Variants in CPEB2 observed in about 807,000 individuals in gnomAD.
CPEB2 encodes the protein cytoplasmic polyadenylation element binding protein 2, also known as cytoplasmic polyadenylation element-binding protein 2.
Under a neutral mutation model 93.6 loss-of-function variants are expected in CPEB2, and 56 were observed. The ratio of observed to expected loss-of-function variants is 0.60; its 90% CI spans 0.48 to 0.75. The LOEUF is 0.75. Among genes scored for constraint, CPEB2 ranks in the 30% least tolerant of loss-of-function variants. The pLI is 0.00. For missense variants in CPEB2, 1,579 were observed against 1,395.1 expected (o/e 1.13, Z -2.10); for synonymous variants, 764 against 586.3 (o/e 1.30, Z -4.38).
chr4:15,010,028 G>T (rs560929122), intron 3 of CPEB2, among the ~76,000 whole-genome samples: 2 of 152,272 alleles, frequency 1.3e-5, no homozygotes, highest in South Asian at 2.1e-4. Flanking sequence ...TGAGATATTG[G>T]CATTCCCTTT....
At chr4:15,019,159 CGT>C (rs1233505094) in intron 4 of CPEB2, among the ~76,000 whole-genome samples, 1 of 150,768 alleles carries the variant, frequency 6.6e-6, no homozygotes, top group Non-Finnish European at 1.5e-5. Flanking sequence ...TTATCTTCCA[CGT>C]GTTTTATGAC....
At chr4:15,024,049 T>G (rs1725140401) in intron 4 of CPEB2, among the ~76,000 whole-genome samples, 1 of 152,156 alleles carries the variant, frequency 6.6e-6, no homozygotes, top group South Asian at 2.1e-4. Context: ...TTTAGTTTAT[T>G]TGCTTAGTTT....
intron 3 of CPEB2, among the ~76,000 whole-genome samples, chr4:15,009,229 C>T (rs1172685565): frequency 6.6e-6 from 1 of 152,200 alleles, no homozygotes; most frequent in African/African-American, 2.4e-5. Context: ...CTATGTTATT[C>T]TAAGTCTCTT....
At chr4:15,016,655 C>T (rs912945220) in intron 3 of CPEB2, among the ~76,000 whole-genome samples, 7 of 151,854 alleles carry the variant, frequency 4.6e-5, no homozygotes, top group African/African-American at 1.2e-4. Flanking sequence ...TTATTAGTAT[C>T]TTATGCTTTT....
At chr4:15,045,708 A>G (rs1289788475) in intron 6 of CPEB2, among the ~76,000 whole-genome samples, 2 of 152,200 alleles carry the variant, frequency 1.3e-5, no homozygotes, top group Non-Finnish European at 2.9e-5. Context: ...TACTGATTTT[A>G]ACGGCAAGGA....
chr4:15,048,018 G>A (rs776812643), intron 6 of CPEB2, among the ~76,000 whole-genome samples: 20 of 151,228 alleles, frequency 1.3e-4, no homozygotes, highest in Admixed American at 5.3e-4. Context: ...TGTTTATGTA[G>A]TACAATTAAC....
Position 15,066,139 on chromosome 4 carries a change from TC to T in CPEB2, c.2878-13del. ...AGCAGACCCTAATGAGACTTAACTT[TC>T]TTTTTTTTCAAGGTGGAGGTAAAGC... On this transcript the variant is annotated splice_polypyrimidine_tract_variant and intron_variant, in intron 11 of 11. Transcript: ENST00000538197. 1 of 1,605,404 alleles carries T rather than the reference TC, an allele frequency of 6.2e-7. No homozygotes were observed. Among genetic ancestry groups the T allele is most frequent in the Non-Finnish European group, 8.5e-7 (1 of 1,172,648 alleles).
Position 15,054,213 on chromosome 4 carries a change from A to G in CPEB2, c.2457A>G (p.Pro819=), listed in dbSNP as rs975057946. 6.2e-7 allele frequency: 1 copy of G among 1,606,052 alleles called. No homozygotes were observed. Among genetic ancestry groups the G allele is most frequent in the East Asian group, 2.2e-5 (1 of 44,460 alleles). The change falls in exon 8 of 12, where the codon CCA becomes CCG. Residue 819 remains proline, a synonymous_variant. Coordinates refer to ENST00000538197, the MANE Select transcript of CPEB2 (RefSeq NM_001177382.2). ...CAGAAAGCAAGTCCTATTTTCCACC[A>G]AAAGGTAAGGATTGTTATTGTTAAT... The part of the protein sequence containing the change: ...HKAESKSYFP[P]KGYAFLLFQE...
intron 5 of CPEB2, among the ~76,000 whole-genome samples, chr4:15,036,717 G>A (rs1560237520): frequency 6.6e-6 from 1 of 152,150 alleles, no homozygotes; most frequent in Non-Finnish European, 1.5e-5. Context: ...GGCCAGGAGG[G>A]GGAGTGGGAA....
rs1317761560 is a variant in CPEB2, at chr4:15,067,619, T to A, written c.*1239T>A. ...CCCATAAGAAACCCATATTTAAAAA[T>A]CTGAATTTTTTAGAAGAATGCAAAA... On this transcript the variant is annotated 3_prime_UTR_variant, in exon 12 of 12. Coordinates refer to ENST00000538197, the MANE Select transcript of CPEB2 (RefSeq NM_001177382.2). 1 of 152,386 alleles carries A rather than the reference T, an allele frequency of 6.6e-6. No individual in the cohort carries two copies. Among genetic ancestry groups the A allele is most frequent in the Non-Finnish European group, 1.5e-5 (1 of 67,950 alleles). The allele number at this position is 152,386 out of a possible 1,614,324, so 9.4% of individuals were successfully genotyped here. A position where few individuals can be genotyped will look rare whatever the true frequency, so the allele number is the denominator to read the frequency against.
chr4:15,045,346 A>G (rs1214687233), intron 6 of CPEB2, among the ~76,000 whole-genome samples: 1 of 152,204 alleles, frequency 6.6e-6, no homozygotes, highest in African/African-American at 2.4e-5. Context: ...GTGCTTATGT[A>G]CATAAATATC....
rs868176750 is a variant in CPEB2, at chr4:15,011,472, C to T, written c.2034+3045C>T. 3.9e-5 allele frequency among the ~76,000 whole-genome samples: 6 copies of T among 151,982 alleles called. No homozygotes were observed. The South Asian group carries it at 1.2e-3, about 32-fold the overall frequency. On this transcript the variant is annotated intron_variant, in intron 3 of 11. Transcript: ENST00000538197. ...AAATGTCATTAGCTAGTTACCCTTG[C>T]GAGAATCGTACTCAAAAGTTTGAAT...
At chr4:15,018,156 A>T (rs1362504001) in intron 4 of CPEB2, among the ~76,000 whole-genome samples, 1 of 151,874 alleles carries the variant, frequency 6.6e-6, no homozygotes, top group Non-Finnish European at 1.5e-5. Context: ...AAAATCATGG[A>T]TTACTTTGTA....
At chr4:15,062,949 T>G (rs1471765106) in intron 11 of CPEB2, among the ~76,000 whole-genome samples, 1 of 152,094 alleles carries the variant, frequency 6.6e-6, no homozygotes, top group Non-Finnish European at 1.5e-5. Flanking sequence ...ACACTAGCAT[T>G]CATTTACAAA....
In CPEB2 at chr4:15,002,887, G is replaced by A. The variant is rs1368564749; in HGVS notation, c.214G>A (p.Gly72Ser). The part of the protein sequence containing the change: ...ASPFSVPLGG[G>S]AGSPAAAASS... ...CCCCTTCTCCGTCCCCCTCGGCGGC[G>A]GCGCGGGCAGCCCGGCCGCCGCCGC... Residue 72 changes from glycine to serine, a missense_variant, in exon 1 of 12, where the codon GGC becomes AGC. By Grantham distance (56) the Gly-to-Ser change is moderately conservative. Around this residue, in one of 2 missense-constraint regions of CPEB2, gnomAD observed 1,411 missense variants for 1,056.0 expected, o/e 1.34. Transcript: ENST00000538197. 1.1e-5 allele frequency: 16 copies of A among 1,516,918 alleles called. No individual in the cohort carries two copies. In the African/African-American group the frequency reaches 2.1e-4, roughly 20 times the overall value. The allele number at this position is 1,516,918 out of a possible 1,614,324, so 94.0% of individuals were successfully genotyped here.
intron 5 of CPEB2, 26 bp from the exon 6 acceptor site, chr4:15,040,438 A>G: frequency 6.5e-7 from 1 of 1,534,816 alleles, no homozygotes; most frequent in Non-Finnish European, 8.7e-7. Context: ...CTGACATTTT[A>G]CAATTTGTGC....
At chr4:15,054,375 C>G (rs1728523425) in intron 8 of CPEB2, among the ~76,000 whole-genome samples, 158 bp downstream of exon 8, 1 of 152,138 alleles carries the variant, frequency 6.6e-6, no homozygotes, top group Non-Finnish European at 1.5e-5. Context: ...TTTTCTCTGT[C>G]TAAAGCATCA....
At chr4:15,042,348 AT>A (rs1454158185) in intron 6 of CPEB2, among the ~76,000 whole-genome samples, 1 of 152,136 alleles carries the variant, frequency 6.6e-6, no homozygotes, top group African/African-American at 2.4e-5. Context: ...AAAAAACAAA[AT>A]TTTTTTCCCT....
At chr4:15,035,204 T>C (rs905820048) in intron 5 of CPEB2, among the ~76,000 whole-genome samples, 1 of 136,060 alleles carries the variant, frequency 7.3e-6, no homozygotes, top group East Asian at 1.9e-4. Flanking sequence ...TGCATCAGTC[T>C]TTTTTTCTTT....
Sources: allele counts gnomAD v4.1 joint callset (sites outside exome capture counted in the v4.1 genomes callset), GRCh38; gene constraint gnomAD v4.1.1; regional missense constraint gnomAD v4.1.1; transcripts MANE v1.5; gene names NCBI Gene and HGNC (gene_info 2026-07-23, HGNC 2026-07-21).